The following SLC9B1 variants were observed in gnomAD, a reference collection of about 807,000 sequenced individuals.
SLC9B1 encodes the protein solute carrier family 9 member B1, also known as sodium/hydrogen exchanger 9B1.
In SLC9B1, 32 loss-of-function variants were observed where a neutral mutation model predicts 51.7. That is an observed-to-expected ratio of 0.62 (90% confidence interval 0.47 to 0.83). The LOEUF (loss-of-function observed/expected upper bound fraction) is 0.83. Ranked by LOEUF, SLC9B1 falls within the 40% of genes least tolerant of loss-of-function variation. The pLI is 0.00. For synonymous variants in SLC9B1, 145 were observed against 212.7 expected (o/e 0.68, Z 2.77); for missense variants, 406 against 613.2 (o/e 0.66, Z 3.57).
chr4:103,007,331 C>A (rs1033546083), intron 1 of SLC9B1, among the ~76,000 whole-genome samples: 1 of 152,058 alleles, frequency 6.6e-6, no homozygotes, highest in Admixed American at 6.5e-5. Context: ...ACCAACAAGT[C>A]CAAGCTGTGA....
At chr4:102,885,298 G>A in exon 12 of SLC9B1, 1 of 1,614,060 alleles carries the variant, frequency 6.2e-7, no homozygotes, top group Non-Finnish European at 8.5e-7. Flanking sequence ...TCCTCCCGAA[G>A]AAGAAACAAC....
intron 3 of SLC9B1, among the ~76,000 whole-genome samples, chr4:102,950,298 T>C (rs969683035): frequency 2.0e-5 from 3 of 152,168 alleles, no homozygotes; most frequent in Non-Finnish European, 4.4e-5. Flanking sequence ...TGGGAATAAA[T>C]ATAAAGTATC....
intron 3 of SLC9B1, among the ~76,000 whole-genome samples, chr4:102,969,838 G>A (rs1738653806): frequency 6.6e-6 from 1 of 152,114 alleles, no homozygotes; most frequent in Non-Finnish European, 1.5e-5. Flanking sequence ...ACTACATGAC[G>A]CATACACAAG....
chr4:102,977,896 G>C (rs576674524), intron 3 of SLC9B1, among the ~76,000 whole-genome samples: 1 of 152,138 alleles, frequency 6.6e-6, no homozygotes, highest in South Asian at 2.1e-4. Flanking sequence ...CCATGTTGTT[G>C]TGCTGCACCC....
At chr4:102,942,496 C>A (rs1480254861) in intron 6 of SLC9B1, among the ~76,000 whole-genome samples, 1 of 152,132 alleles carries the variant, frequency 6.6e-6, no homozygotes, top group Non-Finnish European at 1.5e-5. Context: ...ACCAATGGAA[C>A]AGAATAGAGA....
chr4:102,913,286 G>C (rs1469445682), intron 7 of SLC9B1, among the ~76,000 whole-genome samples: 5 of 152,206 alleles, frequency 3.3e-5, no homozygotes, highest in Non-Finnish European at 7.3e-5. Flanking sequence ...ATAAAGGAGA[G>C]GTCAGAGATG....
rs575424646 is a variant in SLC9B1, at chr4:103,019,189, C to T, written c.-2+410G>A. 7.2e-5 allele frequency among the ~76,000 whole-genome samples: 11 copies of T among 152,186 alleles called. No homozygotes were observed. The South Asian group carries it at 8.3e-4, about 11-fold the overall frequency. ...TGGGGGAAGAGAGCTTTCTCAGGATCGGCAACCAATCCCAGAATCTCCAGT... is the reference window on the plus strand; with the variant it reads ...TGGGGGAAGAGAGCTTTCTCAGGATTGGCAACCAATCCCAGAATCTCCAGT... On this transcript the variant is annotated intron_variant, in intron 1 of 11. Coordinates refer to ENST00000296422, the MANE Select transcript of SLC9B1 (RefSeq NM_139173.4).
chr4:102,925,199 T>C (rs1434602354), intron 7 of SLC9B1, among the ~76,000 whole-genome samples: 1 of 152,134 alleles, frequency 6.6e-6, no homozygotes, highest in Non-Finnish European at 1.5e-5. Flanking sequence ...ATGTGGCACA[T>C]ATACACCATG....
At chr4:102,992,045 C>T (rs992377599) in intron 1 of SLC9B1, among the ~76,000 whole-genome samples, 1 of 152,110 alleles carries the variant, frequency 6.6e-6, no homozygotes, top group African/African-American at 2.4e-5. Context: ...GAGTTAATAT[C>T]CACTGTTGAT....
chr4:102,983,987 T>G (rs1050355007), intron 3 of SLC9B1, among the ~76,000 whole-genome samples: 21 of 152,134 alleles, frequency 1.4e-4, no homozygotes, highest in African/African-American at 5.1e-4. Flanking sequence ...TCATTTTAGA[T>G]CTTTCTTTTT....
chr4:102,910,502 T>A lies in SLC9B1; in HGVS notation c.1023A>T (p.Gly341=), dbSNP rs1197403039. The change falls in exon 9 of 12, where the codon GGA becomes GGT. Residue 341 remains glycine (G), a synonymous_variant. Coordinates refer to ENST00000296422, the MANE Select transcript of SLC9B1 (RefSeq NM_139173.4). The stretch of plus-strand genomic sequence containing the variant: ...ACACTAGTGTGCATAATCCTCCAGA[T>A]CCATGTAAACCAATACGTTGGCTGC... ...VLGSQRIGLH[G]SGGLCTLVLS... The A allele has an allele frequency of 7.6e-6, 12 of 1,569,828 alleles. No individual in the cohort carries two copies. In the Admixed American group the frequency reaches 2.2e-4, roughly 29 times the overall value.
chr4:102,932,111 T>G lies in SLC9B1; in HGVS notation c.829+13A>C. 1 of 1,611,504 alleles carries G rather than the reference T, an allele frequency of 6.2e-7. No homozygotes were observed. Among genetic ancestry groups the G allele is most frequent in the Admixed American group, 1.7e-5 (1 of 59,988 alleles). On this transcript the variant is annotated intron_variant, in intron 7 of 11. Transcript: ENST00000296422. ...CATGAATGATCTAGTGGTTGTTATA[T>G]TTTCTTGTTTACCTGAGGAAAAGAC...
At chr4:102,991,608 A>T in intron 2 of SLC9B1, 35 bp downstream of exon 2, 1 of 1,328,422 alleles carries the variant, frequency 7.5e-7, no homozygotes, top group African/African-American at 1.5e-5. Flanking sequence ...GGTTGATTTT[A>T]TATCATATAT....
In SLC9B1 at chr4:102,914,383, C is replaced by T. The variant is rs1202058785; in HGVS notation, c.830-2846G>A. The stretch of plus-strand genomic sequence containing the variant: ...TCAACTGTAATTTCTAATGCTATAG[C>T]TAATTTGTTTATCCTGCAAAGGCAG... On this transcript the variant is annotated intron_variant, in intron 7 of 11. Coordinates refer to ENST00000296422, the MANE Select transcript of SLC9B1 (RefSeq NM_139173.4). Among the ~76,000 whole-genome samples the T allele has an allele frequency of 4.6e-5, 7 of 152,010 alleles. 1 individual carries two copies. Among genetic ancestry groups the T allele is most frequent in the Non-Finnish European group, 1.0e-4 (7 of 68,026 alleles).
At chr4:103,013,815 A>C (rs1246145210) in intron 1 of SLC9B1, among the ~76,000 whole-genome samples, 1 of 152,200 alleles carries the variant, frequency 6.6e-6, no homozygotes, top group Non-Finnish European at 1.5e-5. Flanking sequence ...TGAATTACTA[A>C]ATCATGTTAA....
At chr4:102,931,857 C>T (rs576993398) in intron 7 of SLC9B1, among the ~76,000 whole-genome samples, 14 of 152,104 alleles carry the variant, frequency 9.2e-5, no homozygotes, top group African/African-American at 2.9e-4. Context: ...AATTCCAAAG[C>T]AATATAAGCA....
intron 3 of SLC9B1, among the ~76,000 whole-genome samples, chr4:102,965,720 C>T (rs77918732): frequency 6.6e-6 from 1 of 151,446 alleles, no homozygotes; most frequent in Admixed American, 6.6e-5. Context: ...ATTCAAAGGT[C>T]AAAGTCCAAA....
At chr4:102,985,059 T>A (rs1394680228) in intron 3 of SLC9B1, among the ~76,000 whole-genome samples, 2 of 152,194 alleles carry the variant, frequency 1.3e-5, no homozygotes, top group Non-Finnish European at 2.9e-5. Context: ...AATTAACCCT[T>A]TTATTATTAT....
At chr4:102,896,433 A>G (rs1734542655), downstream of SLC9B1, among the ~76,000 whole-genome samples, 1 of 152,156 alleles carries the variant, frequency 6.6e-6, no homozygotes, top group Non-Finnish European at 1.5e-5. Flanking sequence ...ATACCTAATA[A>G]TGTAGTCTCA....
Sources: gnomAD v4.1 joint callset for allele counts (sites outside exome capture counted in the v4.1 genomes callset) on GRCh38, gnomAD v4.1.1 for gene constraint, MANE v1.5 for transcripts, NCBI Gene and HGNC (gene_info 2026-07-23, HGNC 2026-07-21) for gene names.